Variants in FHIT observed in about 807,000 individuals in gnomAD.
The protein encoded by FHIT is fragile histidine triad diadenosine triphosphatase.
In FHIT, 19 loss-of-function variants were observed where a neutral mutation model predicts 17.9. The ratio of observed to expected loss-of-function variants is 1.06; its 90% CI spans 0.74 to 1.56. The LOEUF (loss-of-function observed/expected upper bound fraction) is 1.56. FHIT is among the 40% of genes most tolerant of loss of function. The pLI, the probability that FHIT is intolerant of heterozygous loss-of-function variation, is 0.00. For synonymous variants in FHIT, 81 were observed against 69.7 expected (o/e 1.16, Z -0.81); for missense variants, 248 against 189.2 (o/e 1.31, Z -1.82).
intron 5 of FHIT, among the ~76,000 whole-genome samples, chr3:60,313,710 G>C (rs141655936): frequency 2.1e-3 from 289 of 136,788 alleles, no homozygotes; most frequent in Admixed American, 3.7e-3. Flanking sequence ...CAGGCTTCCC[G>C]GGGGGAGCAA....
chr3:60,054,964 A>T (rs1323727649), intron 5 of FHIT, among the ~76,000 whole-genome samples: 1 of 152,162 alleles, frequency 6.6e-6, no homozygotes, highest in African/African-American at 2.4e-5. Flanking sequence ...TGTATACTCC[A>T]AACTCCCACT....
intron 5 of FHIT, among the ~76,000 whole-genome samples, chr3:60,494,163 T>A (rs994653570): frequency 6.6e-6 from 1 of 152,206 alleles, no homozygotes; most frequent in Non-Finnish European, 1.5e-5. Flanking sequence ...CAGAATGTTT[T>A]CATCATCCCA....
chr3:60,612,536 T>C (rs916520860), intron 4 of FHIT, among the ~76,000 whole-genome samples: 1 of 152,208 alleles, frequency 6.6e-6, no homozygotes, highest in Non-Finnish European at 1.5e-5. Flanking sequence ...TGGATACTTT[T>C]CAATTTAGGG....
chr3:60,849,016 G>A (rs1553747470), intron 3 of FHIT, among the ~76,000 whole-genome samples: 2 of 152,100 alleles, frequency 1.3e-5, no homozygotes. Context: ...CTCTATTTCA[G>A]AAAATACATT....
intron 2 of FHIT, among the ~76,000 whole-genome samples, chr3:61,173,407 C>T (rs1034094452): frequency 6.6e-6 from 1 of 152,134 alleles, no homozygotes; most frequent in African/African-American, 2.4e-5. Context: ...CTAAAAATAA[C>T]CTCATTGTAT....
chr3:60,377,356 A>G (rs961093425), intron 5 of FHIT, among the ~76,000 whole-genome samples: 51 of 150,554 alleles, frequency 3.4e-4, no homozygotes, highest in African/African-American at 1.2e-3. Context: ...ACGGGGTTTC[A>G]CCATATTGGC....
intron 5 of FHIT, among the ~76,000 whole-genome samples, chr3:60,517,452 T>C (rs2035202358): frequency 6.6e-6 from 1 of 152,172 alleles, no homozygotes; most frequent in Admixed American, 6.5e-5. Context: ...CTACTTCCTC[T>C]GTCTCTCTAC....
intron 2 of FHIT, among the ~76,000 whole-genome samples, chr3:61,198,962 C>T (rs905575799): frequency 8.5e-5 from 13 of 152,230 alleles, no homozygotes; most frequent in African/African-American, 3.1e-4. Context: ...TGGCAGCTCA[C>T]ATCTACTGAG....
At position 59,748,916 on chromosome 3, in the gene FHIT, C is replaced by G. The variant is rs1700734467; in HGVS notation, c.*669G>C. Among the ~76,000 whole-genome samples the G allele has an allele frequency of 6.6e-6, 1 of 152,056 alleles. No homozygotes were observed. The highest frequency in any genetic ancestry group is 2.1e-4 in the South Asian group (1 of 4,830). On this transcript the variant is annotated 3_prime_UTR_variant, in exon 10 of 10. Coordinates refer to ENST00000492590, the MANE Select transcript of FHIT (RefSeq NM_002012.4). ...GTGTTATCAATTCCAGGGCTGAGCC[C>G]TATCATGTCTGCCTCTGTGCATGTT...
intron 8 of FHIT, among the ~76,000 whole-genome samples, chr3:59,778,659 A>C (rs1476688736): frequency 6.6e-6 from 1 of 152,208 alleles, no homozygotes; most frequent in East Asian, 1.9e-4. Context: ...CCAACTTGGC[A>C]TGTGGGCCAC....
intron 2 of FHIT, among the ~76,000 whole-genome samples, chr3:61,161,634 A>G (rs528043134): frequency 7.2e-5 from 11 of 152,370 alleles, no homozygotes; most frequent in Middle Eastern, 3.4e-3. Flanking sequence ...CTTTGCACTG[A>G]ACCAGCCAAT....
intron 4 of FHIT, among the ~76,000 whole-genome samples, chr3:60,552,300 G>A (rs898792900): frequency 6.6e-6 from 1 of 152,190 alleles, no homozygotes; most frequent in Non-Finnish European, 1.5e-5. Flanking sequence ...TCAGGTGCAA[G>A]TTTTGTGTGG....
rs147012574 is a variant in FHIT at position 60,742,690 on chromosome 3, T to G, written c.-18+79229A>C. Among the ~76,000 whole-genome samples the G allele has an allele frequency of 2.2e-4, 34 of 152,312 alleles. No individual in the cohort carries two copies. In the East Asian group the frequency reaches 5.6e-3, roughly 25 times the overall value. ...GATTGTATCCTAAGTTGGTAATGAG[T>G]CACCACTTTTGCATTTAGTTAAGGA... On this transcript the variant is annotated intron_variant, in intron 4 of 9. Coordinates refer to ENST00000492590, the MANE Select transcript of FHIT (RefSeq NM_002012.4).
chr3:60,209,345 GATGATGAC>G (rs921475926), intron 5 of FHIT, among the ~76,000 whole-genome samples: 2 of 152,156 alleles, frequency 1.3e-5, no homozygotes, highest in African/African-American at 4.8e-5. Flanking sequence ...TGGCTAGGGA[GATGATGAC>G]ATGATGACAT....
intron 4 of FHIT, among the ~76,000 whole-genome samples, chr3:60,779,912 G>A (rs1437267949): frequency 6.6e-6 from 1 of 152,196 alleles, no homozygotes; most frequent in Non-Finnish European, 1.5e-5. Flanking sequence ...CAAGGCTACT[G>A]ACAGCAGGGG....
chr3:60,972,691 A>G (rs570503807), intron 3 of FHIT, among the ~76,000 whole-genome samples: 4 of 152,138 alleles, frequency 2.6e-5, no homozygotes, highest in South Asian at 4.1e-4. Flanking sequence ...TGGGCCTCCA[A>G]TTGCCTGACA....
At chr3:60,009,029 T>C (rs1418193234) in intron 7 of FHIT, among the ~76,000 whole-genome samples, 1 of 152,210 alleles carries the variant, frequency 6.6e-6, no homozygotes, top group African/African-American at 2.4e-5. Flanking sequence ...TTTTTGTTGT[T>C]GTTAACTGAT....
At chr3:60,384,366 T>C (rs946191479) in intron 5 of FHIT, among the ~76,000 whole-genome samples, 1 of 152,132 alleles carries the variant, frequency 6.6e-6, no homozygotes, top group Non-Finnish European at 1.5e-5. Flanking sequence ...GAGATGATGA[T>C]ATAAAGTAGA....
At chr3:59,966,936 T>TGTA (rs1707953716) in intron 7 of FHIT, among the ~76,000 whole-genome samples, 1 of 152,220 alleles carries the variant, frequency 6.6e-6, no homozygotes, top group African/African-American at 2.4e-5. Flanking sequence ...TTTTGACTTT[T>TGTA]GTAATAACAT....
Sources: allele counts gnomAD v4.1 joint callset (sites outside exome capture counted in the v4.1 genomes callset), GRCh38; gene constraint gnomAD v4.1.1; transcripts MANE v1.5; gene names NCBI Gene and HGNC (gene_info 2026-07-23, HGNC 2026-07-21).